The following RAET1L variants were observed in gnomAD, a reference collection of about 807,000 sequenced individuals.
The protein encoded by RAET1L is UL16-binding protein 6.
Under a neutral mutation model 23.9 loss-of-function variants are expected in RAET1L, and 16 were observed. The ratio of observed to expected loss-of-function variants is 0.67; its 90% CI spans 0.45 to 1.02. RAET1L has a LOEUF of 1.02. Among genes scored for constraint, RAET1L ranks in the 50% least tolerant of loss-of-function variants. RAET1L has a pLI of 0.00. For missense variants in RAET1L, 233 were observed against 304.0 expected (o/e 0.77, Z 1.74); for synonymous variants, 70 against 111.2 (o/e 0.63, Z 2.33).
chr6:150,025,309 C>T (rs1322368321), intron 1 of RAET1L, 78 bp downstream of exon 1: 7 of 1,248,002 alleles, frequency 5.6e-6, no homozygotes, highest in Non-Finnish European at 8.1e-6. Context: ...AGAAGCCTTC[C>T]CTCCTCTGAA....
In RAET1L at chr6:150,025,420, G is replaced by A; in HGVS notation, c.52C>T (p.Leu18=). ...CTAGCCCGGGACCAGCCGAACAGCAGGAACAGAAGCGGGAGGCACAGAAGC... is the reference window on the plus strand; with the variant it reads ...CTAGCCCGGGACCAGCCGAACAGCAAGAACAGAAGCGGGAGGCACAGAAGC... ...ALLLCLPLLF[L]LFGWSRARRD... The change falls in exon 1 of 5, where the codon CTG becomes TTG. Residue 18 remains leucine, a synonymous_variant. Transcript: ENST00000367341. 1 of 1,614,078 alleles carries A rather than the reference G, an allele frequency of 6.2e-7. No homozygotes were observed. Among genetic ancestry groups the A allele is most frequent in the Non-Finnish European group, 8.5e-7 (1 of 1,179,922 alleles).
intron 2 of RAET1L, among the ~76,000 whole-genome samples, 155 bp downstream of exon 2, chr6:150,021,825 C>T (rs1208467175): frequency 6.6e-6 from 1 of 152,022 alleles, no homozygotes; most frequent in Admixed American, 6.5e-5. Context: ...AATTCCTGAC[C>T]TTGTGATCGG....
intron 1 of RAET1L, among the ~76,000 whole-genome samples, chr6:150,023,273 A>T (rs1008818365): frequency 6.6e-6 from 1 of 152,200 alleles, no homozygotes. Flanking sequence ...CCCACCCCGG[A>T]TACTGCTGGA....
rs200535107 is a variant in RAET1L at position 150,025,430 on chromosome 6, C to T, written c.42G>A (p.Pro14=). The stretch of plus-strand genomic sequence containing the variant: ...ACCAGCCGAACAGCAGGAACAGAAG[C>T]GGGAGGCACAGAAGCAAAGCTGGGA... The part of the protein sequence containing the change: ...AAIPALLLCL[P]LLFLLFGWSR... Residue 14 remains proline (P), a synonymous_variant, in exon 1 of 5, where the codon CCG becomes CCA. Coordinates refer to ENST00000367341, the MANE Select transcript of RAET1L (RefSeq NM_130900.3). 238 of 1,614,000 alleles carry T rather than the reference C, an allele frequency of 1.5e-4. 1 individual carries two copies. The highest frequency in any genetic ancestry group is 4.0e-5 in the African/African-American group (3 of 75,048).
chr6:150,021,912 A>G (rs1397844415), intron 2 of RAET1L, 68 bp downstream of exon 2: 5 of 1,587,040 alleles, frequency 3.2e-6, no homozygotes, highest in Non-Finnish European at 3.4e-6. Context: ...TTTTTACATG[A>G]AAACTATAAA....
At chr6:150,021,814 G>A (rs551431223) in intron 2 of RAET1L, among the ~76,000 whole-genome samples, 166 bp downstream of exon 2, 3 of 152,066 alleles carry the variant, frequency 2.0e-5, no homozygotes, top group East Asian at 3.9e-4. Flanking sequence ...AGGCGGTCTC[G>A]AATTCCTGAC....
rs975685418 is a variant in RAET1L, at chr6:150,018,412, T to C, written c.*466A>G. The C allele has an allele frequency of 1.3e-5, 2 of 151,848 alleles. No individual in the cohort carries two copies. The highest frequency in any genetic ancestry group is 3.8e-4 in the East Asian group (2 of 5,204). 9.4% of individuals were successfully genotyped at this position (151,848 alleles called of 1,614,324 possible). A position where few individuals can be genotyped will look rare whatever the true frequency, so the allele number is the denominator to read the frequency against. On this transcript the variant is annotated 3_prime_UTR_variant, in exon 5 of 5. Transcript: ENST00000367341. ...TAAAGGAAACAATCATTAATATAAA[T>C]TTTTTTCTTATTAAATAATTAAACA...
intron 1 of RAET1L, among the ~76,000 whole-genome samples, chr6:150,024,901 G>A (rs6907188): frequency 0.42 from 63,711 of 151,834 alleles, 13,642 homozygotes; most frequent in Admixed American, 0.47. Flanking sequence ...GGAAAAGTGC[G>A]GGGAAAACAA....
At chr6:150,022,693 A>C (rs639240) in intron 1 of RAET1L, among the ~76,000 whole-genome samples, 41,638 of 108,890 alleles carry the variant, frequency 0.38, 12,081 homozygotes, top group Non-Finnish European at 0.52. Context: ...TTGGATAAAG[A>C]AGAGTTAATT....
rs530081937 is a variant in RAET1L, at chr6:150,019,722, A to C, written c.*22+386T>G. 3.1e-3 allele frequency among the ~76,000 whole-genome samples: 447 copies of C among 142,326 alleles called. 4 individuals carry two copies. The highest frequency in any genetic ancestry group is 0.011 in the African/African-American group (427 of 39,098). 93.4% of individuals were successfully genotyped at this position (142,326 alleles called of 152,430 possible). On this transcript the variant is annotated intron_variant, in intron 4 of 4. Coordinates refer to ENST00000367341, the MANE Select transcript of RAET1L (RefSeq NM_130900.3). ...CTGTCACACCTCATGTAAAGCTACC[A>C]TGATGCACCTAACCCAATTAAGAGG...
rs557281761 is a variant in RAET1L, at chr6:150,022,704, A to T, written c.86-461T>A. ...CCCGTTGGATAAAGAAGAGTTAATT[A>T]TCATGGTCACAGGATGTAACATGTT... On this transcript the variant is annotated intron_variant, in intron 1 of 4. Transcript: ENST00000367341. Among the ~76,000 whole-genome samples the T allele has an allele frequency of 3.8e-3, 464 of 123,090 alleles. 103 individuals carry two copies. The highest frequency in any genetic ancestry group is 6.8e-3 in the Non-Finnish European group (361 of 53,364). 80.8% of individuals were successfully genotyped at this position (123,090 alleles called of 152,430 possible). A position where few individuals can be genotyped will look rare whatever the true frequency, so the allele number is the denominator to read the frequency against.
chr6:150,025,180 C>G (rs549145819), intron 1 of RAET1L, among the ~76,000 whole-genome samples: 13 of 152,262 alleles, frequency 8.5e-5, no homozygotes, highest in African/African-American at 3.1e-4. Flanking sequence ...CGTTTTCACC[C>G]TGCTCTTTTT....
At chr6:150,020,770 A>G in intron 3 of RAET1L, 135 bp downstream of exon 3, 2 of 1,425,522 alleles carry the variant, frequency 1.4e-6, no homozygotes, top group Non-Finnish European at 1.9e-6. Flanking sequence ...TAACCCCAGG[A>G]GGAGGGCCCG....
chr6:150,024,940 G>T (rs1248991202), intron 1 of RAET1L, among the ~76,000 whole-genome samples: 1 of 152,100 alleles, frequency 6.6e-6, no homozygotes, highest in Non-Finnish European at 1.5e-5. Flanking sequence ...GTGCTGGAGG[G>T]TTTGTGTGGT....
chr6:150,023,755 A>C (rs1040817128), intron 1 of RAET1L, among the ~76,000 whole-genome samples: 13 of 152,194 alleles, frequency 8.5e-5, no homozygotes, highest in Non-Finnish European at 1.5e-4. Flanking sequence ...ATTCAGAGAC[A>C]AGGCAATGCC....
chr6:150,019,192 A>G (rs1779857301), intron 4 of RAET1L, among the ~76,000 whole-genome samples: 1 of 152,150 alleles, frequency 6.6e-6, no homozygotes, highest in Non-Finnish European at 1.5e-5. Context: ...CAGACTTCCA[A>G]AGAGAGGGCT....
In RAET1L at chr6:150,025,478, CCA is replaced by C. The variant is rs761310575; in HGVS notation, c.-9_-8del. Reference sequence around the variant, plus strand: ...GGATGGCGGCTGCTGCCATTGGGGACCAGGAGGGCTGGGGACAAGAGATTTAA... The same window carrying C: ...GGATGGCGGCTGCTGCCATTGGGGACGGAGGGCTGGGGACAAGAGATTTAA... On this transcript the variant is annotated 5_prime_UTR_variant, in exon 1 of 5. Transcript: ENST00000367341. 2 of 1,611,936 alleles carry C rather than the reference CCA, an allele frequency of 1.2e-6. No homozygotes were observed. The highest frequency in any genetic ancestry group is 2.2e-5 in the South Asian group (2 of 90,996).
At position 150,022,120 on chromosome 6, in the gene RAET1L, G is replaced by A; in HGVS notation, c.209C>T (p.Thr70Ile). 6.2e-7 allele frequency: 1 copy of A among 1,601,588 alleles called. No homozygotes were observed. Among genetic ancestry groups the A allele is most frequent in the Non-Finnish European group, 8.5e-7 (1 of 1,175,518 alleles). Residue 70 changes from threonine to isoleucine, a missense_variant, in exon 2 of 5, where the codon ACA (threonine) becomes ATA (isoleucine). Transcript: ENST00000367341. ...TFLHYDCGNK[T>I]VTPVSPLGKK... ...CCCCAGGGGACTGACGGGTGTGACT[G>A]TCTTGTTGCCACAGTCATAGTGAAG...
rs1331659361 is a variant in RAET1L at position 150,025,432 on chromosome 6, G to T, written c.40C>A (p.Pro14Thr). ...CAGCCGAACAGCAGGAACAGAAGCG[G>T]GAGGCACAGAAGCAAAGCTGGGATG... ...AAIPALLLCL[P>T]LLFLLFGWSR... is the part of the protein sequence containing the mutation. Residue 14 changes from proline (P) to threonine (T), a missense_variant, in exon 1 of 5, where the codon CCG becomes ACG. By Grantham distance (38) the Pro-to-Thr change is conservative (BLOSUM62 -1). Transcript: ENST00000367341. 1 of 1,613,956 alleles carries T rather than the reference G, an allele frequency of 6.2e-7. No homozygotes were observed. The highest frequency in any genetic ancestry group is 8.5e-7 in the Non-Finnish European group (1 of 1,179,926).
Sources: allele counts gnomAD v4.1 joint callset (sites outside exome capture counted in the v4.1 genomes callset), GRCh38; gene constraint gnomAD v4.1.1; transcripts MANE v1.5; gene names NCBI Gene and HGNC (gene_info 2026-07-23, HGNC 2026-07-21).